Variants in SRPK2 observed in about 807,000 individuals in gnomAD.
SRPK2 encodes the protein SFRS protein kinase 2.
A neutral mutation model predicts 90.8 loss-of-function variants in SRPK2; 21 were observed. That is an observed-to-expected ratio of 0.23 (90% CI 0.16 to 0.33). The LOEUF (loss-of-function observed/expected upper bound fraction) is 0.33. Ranked by LOEUF, SRPK2 falls within the 10% of genes least tolerant of loss-of-function variation. The pLI is 1.00. For missense variants in SRPK2, 620 were observed against 869.0 expected, an observed-to-expected ratio of 0.71 and a Z score of 3.60; for synonymous variants, 288 against 311.1, an observed-to-expected ratio of 0.93 and a Z score of 0.78.
intron 3 of SRPK2, among the ~76,000 whole-genome samples, chr7:105,175,339 A>G (rs1791703516): frequency 6.6e-6 from 1 of 150,746 alleles, no homozygotes; most frequent in Non-Finnish European, 1.5e-5. Flanking sequence ...AGTGAAAATG[A>G]AAACTTAATA....
At chr7:105,325,505 TG>T (rs1813464750) in intron 2 of SRPK2, among the ~76,000 whole-genome samples, 1 of 62,968 alleles carries the variant, frequency 1.6e-5, no homozygotes, top group African/African-American at 5.2e-5. Flanking sequence ...AAAAAAAAAA[TG>T]ATGTCCATTA....
chr7:105,390,607 GTTT>G (rs869259356), upstream of SRPK2, among the ~76,000 whole-genome samples: 2 of 109,042 alleles, frequency 1.8e-5, no homozygotes, highest in Admixed American at 1.0e-4. Context: ...TTTTGTTTTT[GTTT>G]TTTTTTTTTT....
intron 2 of SRPK2, among the ~76,000 whole-genome samples, chr7:105,287,504 A>G (rs981801952): frequency 2.6e-5 from 4 of 152,122 alleles, no homozygotes; most frequent in African/African-American, 9.7e-5. Context: ...TGGGAGGCTG[A>G]GGAGGGGAGA....
At chr7:105,148,261 TTTTAACAC>T (rs1804959349) in intron 7 of SRPK2, among the ~76,000 whole-genome samples, 1 of 152,182 alleles carries the variant, frequency 6.6e-6, no homozygotes, top group Non-Finnish European at 1.5e-5. Flanking sequence ...GTCCATACAT[TTTTAACAC>T]TGCAAGAGAA....
intron 2 of SRPK2, among the ~76,000 whole-genome samples, chr7:105,346,610 C>T (rs1352305793): frequency 6.6e-6 from 1 of 151,890 alleles, no homozygotes; most frequent in Non-Finnish European, 1.5e-5. Context: ...AAAAATTAGC[C>T]AGGCATGGTG....
intron 13 of SRPK2, among the ~76,000 whole-genome samples, chr7:105,129,084 C>A (rs1395926715): frequency 1.3e-5 from 2 of 152,184 alleles, no homozygotes; most frequent in African/African-American, 4.8e-5. Context: ...GCCTCAGCCT[C>A]CTGAGTAGCT....
chr7:105,170,114 C>A (rs988592953), intron 3 of SRPK2, among the ~76,000 whole-genome samples: 1 of 152,172 alleles, frequency 6.6e-6, no homozygotes, highest in African/African-American at 2.4e-5. Flanking sequence ...CACACCTGGC[C>A]AAGGTTCTGT....
At chr7:105,333,976 G>C (rs575346276) in intron 2 of SRPK2, among the ~76,000 whole-genome samples, 1 of 152,290 alleles carries the variant, frequency 6.6e-6, no homozygotes, top group African/African-American at 2.4e-5. Flanking sequence ...AGGCTGGAGT[G>C]CAGTGGCGCG....
chr7:105,154,795 C>T (rs1397444100), intron 7 of SRPK2, among the ~76,000 whole-genome samples: 1 of 151,824 alleles, frequency 6.6e-6, no homozygotes. Context: ...CTGCCTCAGC[C>T]TCCCGAGTAG....
chr7:105,379,418 G>T (rs1275262557), intron 2 of SRPK2, among the ~76,000 whole-genome samples: 2 of 152,072 alleles, frequency 1.3e-5, no homozygotes, highest in Non-Finnish European at 2.9e-5. Flanking sequence ...TTTGTTATTT[G>T]AGGGTGTCCC....
chr7:105,290,811 G>C (rs549326198), intron 2 of SRPK2, among the ~76,000 whole-genome samples: 4 of 151,298 alleles, frequency 2.6e-5, no homozygotes, highest in African/African-American at 9.7e-5. Context: ...GGCCGAGGCG[G>C]GTGGATCATG....
At chr7:105,228,236 A>T (rs1296699511) in intron 2 of SRPK2, among the ~76,000 whole-genome samples, 2 of 152,172 alleles carry the variant, frequency 1.3e-5, no homozygotes, top group Non-Finnish European at 2.9e-5. Context: ...GACTGGAAAA[A>T]TCTCAGTATA....
chr7:105,250,576 G>C (rs188917681), intron 2 of SRPK2, among the ~76,000 whole-genome samples: 6 of 152,280 alleles, frequency 3.9e-5, no homozygotes, highest in African/African-American at 1.4e-4. Flanking sequence ...GGATTTTTAA[G>C]TTCGAAATTA....
chr7:105,379,160 T>C (rs1057313466), intron 2 of SRPK2, among the ~76,000 whole-genome samples: 4 of 146,638 alleles, frequency 2.7e-5, no homozygotes, highest in Non-Finnish European at 4.4e-5. Flanking sequence ...AAAAAAAATA[T>C]ATATATATAT....
chr7:105,337,907 A>G (rs1815294600), intron 2 of SRPK2, among the ~76,000 whole-genome samples: 1 of 152,168 alleles, frequency 6.6e-6, no homozygotes, highest in Non-Finnish European at 1.5e-5. Flanking sequence ...AGATATAACA[A>G]TAATATGCCA....
rs1019623474 is a variant in SRPK2 at position 105,331,224 on chromosome 7, A to G, written c.71+57424T>C. Among the ~76,000 whole-genome samples the G allele has an allele frequency of 7.0e-5, 10 of 142,612 alleles. No individual in the cohort carries two copies. In the South Asian group the frequency reaches 2.3e-3, roughly 33 times the overall value. The allele number at this position is 142,612 out of a possible 152,430, so 93.6% of individuals were successfully genotyped here. A position where few individuals can be genotyped will look rare whatever the true frequency, so the allele number is the denominator to read the frequency against. ...CGTGGGAGGCTGAGGCAGGAGAATC[A>G]CTTGAACCTCGGAGGCAGAGGTTGC... On this transcript the variant is annotated intron_variant, in intron 2 of 15. Coordinates refer to ENST00000393651, the MANE Select transcript of SRPK2 (RefSeq NM_182692.3).
intron 6 of SRPK2, among the ~76,000 whole-genome samples, chr7:105,166,343 TAAG>T (rs151308442): frequency 0.01 from 1,535 of 152,326 alleles, 15 homozygotes; most frequent in South Asian, 0.019. Flanking sequence ...AAATCTGTAT[TAAG>T]AAGTCTCCAA....
chr7:105,195,677 A>T (rs943784745), intron 3 of SRPK2, among the ~76,000 whole-genome samples: 1 of 152,212 alleles, frequency 6.6e-6, no homozygotes, highest in East Asian at 1.9e-4. Context: ...TTCTTTACTG[A>T]CAAAGTCCCT....
intron 3 of SRPK2, among the ~76,000 whole-genome samples, chr7:105,200,447 G>A (rs1006690473): frequency 7.2e-5 from 11 of 152,122 alleles, no homozygotes; most frequent in African/African-American, 2.7e-4. Flanking sequence ...ATAACCCACT[G>A]AATAAAACAG....
Sources: gnomAD v4.1 joint callset for allele counts (sites outside exome capture counted in the v4.1 genomes callset) on GRCh38, gnomAD v4.1.1 for gene constraint, MANE v1.5 for transcripts, NCBI Gene and HGNC (gene_info 2026-07-23, HGNC 2026-07-21) for gene names.